The following PRKN variants were observed in gnomAD, a reference collection of about 807,000 sequenced individuals.
PRKN encodes E3 ubiquitin-protein ligase parkin.
In PRKN, 56 loss-of-function variants were observed where a neutral mutation model predicts 59.5. The observed-to-expected ratio is 0.94, with a 90% confidence interval of 0.76 to 1.18. PRKN has a LOEUF of 1.18. Ranked by LOEUF, PRKN falls within the 50% of genes most tolerant of loss-of-function variation. PRKN has a pLI of 0.00. For missense variants in PRKN, 657 were observed against 596.4 expected (o/e 1.10, Z -1.06); for synonymous variants, 250 against 222.1 (o/e 1.13, Z -1.12).
At chr6:162,038,191 A>T (rs1783920537) in intron 5 of PRKN, among the ~76,000 whole-genome samples, 1 of 152,136 alleles carries the variant, frequency 6.6e-6, no homozygotes, top group Non-Finnish European at 1.5e-5. Context: ...TATTTAAGAA[A>T]ATTACAAATG....
intron 1 of PRKN, among the ~76,000 whole-genome samples, chr6:162,726,087 C>A (rs1779164659): frequency 6.6e-6 from 1 of 152,150 alleles, no homozygotes; most frequent in Non-Finnish European, 1.5e-5. Context: ...CTAAACAGAA[C>A]TGTCCAAACA....
intron 6 of PRKN, among the ~76,000 whole-genome samples, chr6:161,850,226 G>T (rs1793370065): frequency 6.6e-6 from 1 of 152,026 alleles, no homozygotes; most frequent in Admixed American, 6.6e-5. Context: ...TTTTGAGATA[G>T]CACTTGTGGA....
intron 5 of PRKN, among the ~76,000 whole-genome samples, chr6:162,052,348 TG>T (rs1218480910): frequency 2.0e-5 from 3 of 152,300 alleles, no homozygotes; most frequent in South Asian, 2.1e-4. Flanking sequence ...CGTTTTGTTT[TG>T]TTTTTTTAAT....
intron 10 of PRKN, among the ~76,000 whole-genome samples, chr6:161,375,200 G>A (rs957305520): frequency 2.0e-5 from 3 of 152,162 alleles, no homozygotes; most frequent in African/African-American, 7.2e-5. Context: ...TGAGGCTCCT[G>A]CAGAGGGAGG....
chr6:162,717,565 CAAAAA>C (rs34053908), intron 1 of PRKN, among the ~76,000 whole-genome samples: 2 of 117,762 alleles, frequency 1.7e-5, no homozygotes, highest in African/African-American at 3.2e-5. Context: ...GATCTTGTCT[CAAAAA>C]AAAAAAAAAA....
At chr6:162,712,852 C>T (rs912880408) in intron 1 of PRKN, among the ~76,000 whole-genome samples, 1 of 152,216 alleles carries the variant, frequency 6.6e-6, no homozygotes, top group African/African-American at 2.4e-5. Flanking sequence ...ACCAGGGTCA[C>T]TTCCCCATTT....
intron 9 of PRKN, among the ~76,000 whole-genome samples, chr6:161,420,910 C>A (rs890802441): frequency 4.6e-5 from 7 of 152,208 alleles, no homozygotes; most frequent in Admixed American, 2.6e-4. Flanking sequence ...ATTTGCCGTA[C>A]TAAATCATGT....
intron 4 of PRKN, among the ~76,000 whole-genome samples, chr6:162,168,729 A>G (rs1308213197): frequency 6.6e-6 from 1 of 152,162 alleles, no homozygotes; most frequent in African/African-American, 2.4e-5. Context: ...GTTATTACAG[A>G]TGATATAAAT....
intron 7 of PRKN, among the ~76,000 whole-genome samples, chr6:161,630,737 T>C (rs1783272998): frequency 6.6e-6 from 1 of 152,048 alleles, no homozygotes; most frequent in Non-Finnish European, 1.5e-5. Context: ...CCCCACCATG[T>C]CTAGGGCCCT....
In PRKN at chr6:161,480,335, TG is replaced by T. The variant is rs1791329443; in HGVS notation, c.1083+68518del. 1.3e-5 allele frequency among the ~76,000 whole-genome samples: 2 copies of T among 152,130 alleles called. No homozygotes were observed. The highest frequency in any genetic ancestry group is 2.4e-5 in the African/African-American group (1 of 41,422). ...GGGGCCCTGTGAGTATGGGGCCCTGTGAGTATGGGGCCCTGTGTGACTGTAC... is the reference window on the plus strand; with the variant it reads ...GGGGCCCTGTGAGTATGGGGCCCTGTAGTATGGGGCCCTGTGTGACTGTAC... On this transcript the variant is annotated intron_variant, in intron 9 of 11. Coordinates refer to ENST00000366898, the MANE Select transcript of PRKN (RefSeq NM_004562.3). The surrounding 1 kb of genome is among the most constrained non-coding windows in gnomAD (Gnocchi z 4.1).
chr6:162,365,077 T>G (rs1785363595), intron 2 of PRKN, among the ~76,000 whole-genome samples: 1 of 151,812 alleles, frequency 6.6e-6, no homozygotes, highest in African/African-American at 2.4e-5. Flanking sequence ...CTAAGCATTT[T>G]TTTTTACAAT....
chr6:161,919,727 A>G (rs1778707769), intron 6 of PRKN, among the ~76,000 whole-genome samples: 1 of 152,212 alleles, frequency 6.6e-6, no homozygotes, highest in Non-Finnish European at 1.5e-5. Context: ...CATGCCACAG[A>G]GCAAATGCTC....
chr6:162,053,915 G>A (rs2128285449), intron 5 of PRKN, among the ~76,000 whole-genome samples, 176 bp downstream of exon 5: 1 of 152,294 alleles, frequency 6.6e-6, no homozygotes, highest in South Asian at 2.1e-4. Context: ...AAAGGCAGGG[G>A]CACAGGTTGG....
chr6:162,129,447 CAG>C lies in PRKN; in HGVS notation c.534+71682_534+71683del, dbSNP rs577805180. Among the ~76,000 whole-genome samples, 155 of 152,144 alleles carry C rather than the reference CAG, an allele frequency of 1.0e-3. 1 individual carries two copies. The highest frequency in any genetic ancestry group is 6.8e-3 in the Middle Eastern group (2 of 294). On this transcript the variant is annotated intron_variant, in intron 4 of 11. Transcript: ENST00000366898. ...ATAGATGAGGCAGAACTAATATGGC[CAG>C]AAGCAAGGAGAAACATGCATGGAAT...
intron 1 of PRKN, among the ~76,000 whole-genome samples, chr6:162,693,209 A>C (rs1238013395): frequency 6.6e-6 from 1 of 152,202 alleles, no homozygotes; most frequent in Non-Finnish European, 1.5e-5. Context: ...CAACTGTATA[A>C]GATGTATGTG....
At chr6:162,357,226 C>G (rs1262964974) in intron 2 of PRKN, among the ~76,000 whole-genome samples, 1 of 152,110 alleles carries the variant, frequency 6.6e-6, no homozygotes, top group Non-Finnish European at 1.5e-5. Flanking sequence ...AAATATATAT[C>G]TGATAAAGGA....
rs1386146795 is a variant in PRKN at position 161,576,916 on chromosome 6, T to C, written c.872-7500A>G. 3.3e-5 allele frequency among the ~76,000 whole-genome samples: 5 copies of C among 152,186 alleles called. No individual in the cohort carries two copies. Among genetic ancestry groups the C allele is most frequent in the Non-Finnish European group, 7.3e-5 (5 of 68,034 alleles). On this transcript the variant is annotated intron_variant, in intron 7 of 11. Transcript: ENST00000366898. The surrounding 1 kb of genome is among the most constrained non-coding windows in gnomAD (Gnocchi z 4.6). ...AAAAGTTGCAATCGTTTATGCACAA[T>C]GCAATGTCATTTACAGAAAGTTTAG...
intron 9 of PRKN, among the ~76,000 whole-genome samples, chr6:161,523,248 C>G (rs1284312181): frequency 6.6e-6 from 1 of 152,088 alleles, no homozygotes; most frequent in Non-Finnish European, 1.5e-5. Context: ...GTACCAATTA[C>G]AAAATTGGGA....
intron 4 of PRKN, among the ~76,000 whole-genome samples, chr6:162,084,053 AAATTAT>A (rs1467574782): frequency 1.3e-5 from 2 of 152,148 alleles, no homozygotes; most frequent in Non-Finnish European, 2.9e-5. Flanking sequence ...ATAAAAATAG[AAATTAT>A]AATTATAATG....
Sources: allele counts gnomAD v4.1 joint callset (sites outside exome capture counted in the v4.1 genomes callset), GRCh38; gene constraint gnomAD v4.1.1; non-coding constraint Gnocchi (gnomAD v3.1); transcripts MANE v1.5; gene names NCBI Gene and HGNC (gene_info 2026-07-23, HGNC 2026-07-21).